NCOA5: variants seen among roughly 807,000 people sequenced by gnomAD.
NCOA5 encodes NCoA-5.
NCOA5 carries 12 observed loss-of-function variants against 59.0 expected under a neutral mutation model. That is an observed-to-expected ratio of 0.20 (90% CI 0.13 to 0.33). The LOEUF is 0.33. Ranked by LOEUF, NCOA5 falls within the 10% of genes least tolerant of loss-of-function variation. The pLI is 1.00. For missense variants in NCOA5, 655 were observed against 766.6 expected (o/e 0.85, Z 1.72); for synonymous variants, 270 against 275.5 (o/e 0.98, Z 0.20).
At chr20:46,065,324 C>G (rs910420031) in intron 5 of NCOA5, 96 bp from the exon 6 acceptor site, 16 of 1,141,458 alleles carry the variant, frequency 1.4e-5, no homozygotes, top group Non-Finnish European at 1.7e-5. Flanking sequence ...TAACTCAAAC[C>G]TTAGTCTACC....
intron 1 of NCOA5, among the ~76,000 whole-genome samples, chr20:46,088,300 A>G (rs1160733256): frequency 6.6e-6 from 1 of 152,222 alleles, no homozygotes; most frequent in Non-Finnish European, 1.5e-5. Context: ...TCTAAGTTTT[A>G]GGTTAAGAGA....
chr20:46,085,689 GGAGGAATAAAAGAGA>G (rs2085038300), intron 1 of NCOA5, among the ~76,000 whole-genome samples: 1 of 152,076 alleles, frequency 6.6e-6, no homozygotes, highest in Non-Finnish European at 1.5e-5. Context: ...CACGGGGATA[GGAGGAATAAAAGAGA>G]GAGGAATAAC....
At chr20:46,082,998 A>C (rs1437781006) in intron 1 of NCOA5, among the ~76,000 whole-genome samples, 2 of 152,210 alleles carry the variant, frequency 1.3e-5, no homozygotes, top group Non-Finnish European at 2.9e-5. Flanking sequence ...AGTACCAAAA[A>C]CTACTTTGTT....
chr20:46,088,064 T>C (rs1478521600), intron 1 of NCOA5, among the ~76,000 whole-genome samples: 1 of 152,164 alleles, frequency 6.6e-6, no homozygotes, highest in Non-Finnish European at 1.5e-5. Flanking sequence ...AACTGACTTA[T>C]GGGACTTTCC....
At position 46,070,363 on chromosome 20, in the gene NCOA5, T is replaced by G; in HGVS notation, c.212A>C (p.Asp71Ala). ...RDHRHSRDLR[D>A]HRDSRSVRDV... is the part of the protein sequence containing the mutation. The stretch of plus-strand genomic sequence containing the variant: ...GCGCACACTCCTGCTGTCTCTGTGA[T>G]CCCGCAAATCTCTACTATGTCTGTG... Residue 71 changes from aspartate (D) to alanine (A), a missense_variant, in exon 3 of 8, where the codon GAT becomes GCT. By Grantham distance (126) the Asp-to-Ala change is moderately radical. Coordinates refer to ENST00000290231, the MANE Select transcript of NCOA5 (RefSeq NM_020967.3). The G allele has an allele frequency of 6.2e-7, 1 of 1,613,704 alleles. No individual in the cohort carries two copies. The highest frequency in any genetic ancestry group is 8.5e-7 in the Non-Finnish European group (1 of 1,179,966).
chr20:46,067,186 A>G lies in NCOA5; in HGVS notation c.503-5T>C, dbSNP rs766305145. On this transcript the variant is annotated splice_region_variant and splice_polypyrimidine_tract_variant and intron_variant, in intron 4 of 7. Coordinates refer to ENST00000290231, the MANE Select transcript of NCOA5 (RefSeq NM_020967.3). ...GTTCCTCACGTTTCAAACGCTCTGC[A>G]AAACACCACCAGGGTAAACTGAAAT... is the stretch of plus-strand genomic sequence containing the variant. 40 of 1,611,628 alleles carry G rather than the reference A, an allele frequency of 2.5e-5. No individual in the cohort carries two copies. The highest frequency in any genetic ancestry group is 3.3e-5 in the Non-Finnish European group (39 of 1,179,274).
chr20:46,079,898 A>T (rs2084974156), intron 1 of NCOA5, among the ~76,000 whole-genome samples: 1 of 152,236 alleles, frequency 6.6e-6, no homozygotes, highest in African/African-American at 2.4e-5. Flanking sequence ...ACTAAGAAGT[A>T]ATAGCTGGAT....
chr20:46,079,885 G>A (rs542431772), intron 1 of NCOA5, among the ~76,000 whole-genome samples: 6 of 152,246 alleles, frequency 3.9e-5, no homozygotes, highest in Middle Eastern at 3.4e-3. Flanking sequence ...TCTATTTTAT[G>A]TTACTAAGAA....
At chr20:46,088,073 C>A (rs1269251674) in intron 1 of NCOA5, among the ~76,000 whole-genome samples, 3 of 152,076 alleles carry the variant, frequency 2.0e-5, no homozygotes, top group Non-Finnish European at 2.9e-5. Flanking sequence ...ATGGGACTTT[C>A]CTGTCAATGA....
At position 46,081,584 on chromosome 20, in the gene NCOA5, A is replaced by T. The variant is rs1281750430; in HGVS notation, c.-29-2131T>A. 2.0e-5 allele frequency among the ~76,000 whole-genome samples: 3 copies of T among 152,248 alleles called. No homozygotes were observed. The East Asian group carries it at 5.8e-4, about 29-fold the overall frequency. On this transcript the variant is annotated intron_variant, in intron 1 of 7. Transcript: ENST00000290231. ...CTCGTAGTATCTATTTTCATTGGGT[A>T]GTCCAAAGTATTTATATTTGACAGC...
intron 2 of NCOA5, among the ~76,000 whole-genome samples, chr20:46,075,414 G>C (rs1457057366): frequency 6.6e-6 from 1 of 152,032 alleles, no homozygotes; most frequent in African/African-American, 2.4e-5. Flanking sequence ...AAAGCATTAG[G>C]GCCCTGTGGA....
At chr20:46,082,012 TC>T (rs1341566014) in intron 1 of NCOA5, among the ~76,000 whole-genome samples, 6 of 152,112 alleles carry the variant, frequency 3.9e-5, no homozygotes, top group African/African-American at 1.4e-4. Context: ...AGAAAAAACT[TC>T]CCTCATCCTA....
At chr20:46,085,529 AAGGCT>A (rs1357987902) in intron 1 of NCOA5, among the ~76,000 whole-genome samples, 1 of 152,242 alleles carries the variant, frequency 6.6e-6, no homozygotes, top group South Asian at 2.1e-4. Context: ...GGAGGCAGGG[AAGGCT>A]TAAAAATAAC....
intron 3 of NCOA5, 62 bp from the exon 4 acceptor site, chr20:46,068,700 A>T (rs2084850337): frequency 2.0e-6 from 3 of 1,529,906 alleles, no homozygotes; most frequent in Admixed American, 3.9e-5. Flanking sequence ...AAAGTCACCT[A>T]GAGAATTCTC....
intron 1 of NCOA5, among the ~76,000 whole-genome samples, chr20:46,083,674 T>G (rs983761683): frequency 1.2e-4 from 18 of 152,214 alleles, no homozygotes; most frequent in African/African-American, 3.1e-4. Context: ...AAAGGCTTAG[T>G]TGAAAACCAA....
At chr20:46,081,793 A>G (rs1211941078) in intron 1 of NCOA5, among the ~76,000 whole-genome samples, 1 of 151,370 alleles carries the variant, frequency 6.6e-6, no homozygotes. Context: ...TTTCCTATCT[A>G]ATAGAATTGC....
intron 1 of NCOA5, among the ~76,000 whole-genome samples, chr20:46,085,023 G>T (rs2085031770): frequency 6.6e-6 from 1 of 152,102 alleles, no homozygotes; most frequent in Admixed American, 6.5e-5. Flanking sequence ...TAAAGTCCTT[G>T]CCTTAAAGAA....
At chr20:46,083,459 T>C (rs1437608526) in intron 1 of NCOA5, among the ~76,000 whole-genome samples, 1 of 152,224 alleles carries the variant, frequency 6.6e-6, no homozygotes, top group African/African-American at 2.4e-5. Flanking sequence ...GAACACTTGT[T>C]CTATTTTATA....
At chr20:46,089,435 T>C (rs1489769028) in intron 1 of NCOA5, among the ~76,000 whole-genome samples, 1 of 152,126 alleles carries the variant, frequency 6.6e-6, no homozygotes, top group African/African-American at 2.4e-5. Flanking sequence ...ACTGACTCGC[T>C]GAGGACCCGC....
Sources: allele counts gnomAD v4.1 joint callset (sites outside exome capture counted in the v4.1 genomes callset), GRCh38; gene constraint gnomAD v4.1.1; transcripts MANE v1.5; gene names NCBI Gene and HGNC (gene_info 2026-07-23, HGNC 2026-07-21).